The following ATP6V1C2 variants were observed in gnomAD, a reference collection of about 807,000 sequenced individuals.
ATP6V1C2 encodes V-type proton ATPase subunit C 2.
Under a neutral mutation model 56.8 loss-of-function variants are expected in ATP6V1C2, and 45 were observed. The observed-to-expected ratio is 0.79, with a 90% CI of 0.62 to 1.02. The LOEUF (loss-of-function observed/expected upper bound fraction) is 1.02, where lower values mean the gene tolerates loss of function less well. ATP6V1C2 is among the 50% of genes least tolerant of loss of function. The pLI is 0.00. For missense variants in ATP6V1C2, 463 were observed against 519.7 expected, an observed-to-expected ratio of 0.89 and a Z score of 1.06; for synonymous variants, 220 against 201.3, an observed-to-expected ratio of 1.09 and a Z score of -0.79.
chr2:10,722,623 G>A, intron 1 of ATP6V1C2: 2 of 531,488 alleles, frequency 3.8e-6, no homozygotes, highest in Non-Finnish European at 6.5e-6. Flanking sequence ...CAGAACCACT[G>A]CAGGGACCAA....
In ATP6V1C2 at chr2:10,726,579, T is replaced by G; in HGVS notation, c.197+10T>G. 6.2e-7 allele frequency: 1 copy of G among 1,606,830 alleles called. No homozygotes were observed. On this transcript the variant is annotated intron_variant, in intron 3 of 13. Transcript: ENST00000272238. ...ACACCTTTGCTGAAAGGTAAAATAT[T>G]CCTTATTTACTACATACAAGTGAGA...
chr2:10,775,596 CT>C, intron 10 of ATP6V1C2, among the ~76,000 whole-genome samples: 1 of 152,322 alleles, frequency 6.6e-6, no homozygotes, highest in Middle Eastern at 3.4e-3. Context: ...TATCTGGAGA[CT>C]TCCGACCACA....
At chr2:10,762,290 C>T (rs962982315) in intron 4 of ATP6V1C2, among the ~76,000 whole-genome samples, 4 of 151,946 alleles carry the variant, frequency 2.6e-5, no homozygotes, top group African/African-American at 7.3e-5. Context: ...GAACTACGGG[C>T]GTGTGCCACC....
intron 3 of ATP6V1C2, among the ~76,000 whole-genome samples, chr2:10,745,041 C>CTTTTTTTTTTTTT (rs5829274): frequency 8.8e-6 from 1 of 113,314 alleles, no homozygotes; most frequent in African/African-American, 3.4e-5. Flanking sequence ...TATTTATTTT[C>CTTTTTTTTTTTTT]TTTTTTTTTT....
At position 10,784,953 on chromosome 2, in the gene ATP6V1C2, C is replaced by T. The variant is rs1465087052; in HGVS notation, c.*1690C>T. 1 of 1,588,734 alleles carries T rather than the reference C, an allele frequency of 6.3e-7. No individual in the cohort carries two copies. Among genetic ancestry groups the T allele is most frequent in the Non-Finnish European group, 8.6e-7 (1 of 1,166,188 alleles). On this transcript the variant is annotated 3_prime_UTR_variant, in exon 14 of 14. Coordinates refer to ENST00000272238, the MANE Select transcript of ATP6V1C2 (RefSeq NM_001039362.2). ...ACTCACCTCGCCATCCCTGCCGTCCCAAGGCTCTCTCTCAACGATGGTAGG... is the reference window on the plus strand; with the variant it reads ...ACTCACCTCGCCATCCCTGCCGTCCTAAGGCTCTCTCTCAACGATGGTAGG...
At position 10,768,734 on chromosome 2, in the gene ATP6V1C2, G is replaced by A. The variant is rs767512735; in HGVS notation, c.394G>A (p.Glu132Lys). ...CCCAAAACAGCAACTGGCGCAGATCGAGATGGACCTGAAGTCCCGAACGGC... is the reference window on the plus strand; with the variant it reads ...CCCAAAACAGCAACTGGCGCAGATCAAGATGGACCTGAAGTCCCGAACGGC... ...DTIAKQLAQI[E>K]MDLKSRTAAY... Residue 132 changes from glutamate to lysine, a missense_variant, in exon 6 of 14, where the codon GAG (glutamate) becomes AAG (lysine). Transcript: ENST00000272238. 7 of 1,613,926 alleles carry A rather than the reference G, an allele frequency of 4.3e-6. No individual in the cohort carries two copies. Among genetic ancestry groups the A allele is most frequent in the East Asian group, 2.2e-5 (1 of 44,890 alleles).
intron 6 of ATP6V1C2, among the ~76,000 whole-genome samples, chr2:10,770,698 C>T (rs371416335): frequency 7.9e-5 from 12 of 152,342 alleles, no homozygotes; most frequent in African/African-American, 1.7e-4. Context: ...ATCATTGATT[C>T]GCAGTGACTT....
intron 4 of ATP6V1C2, among the ~76,000 whole-genome samples, chr2:10,754,583 T>C (rs538435722): frequency 2.8e-5 from 3 of 108,254 alleles, no homozygotes; most frequent in African/African-American, 1.2e-4. Flanking sequence ...TTTTCTTTTC[T>C]TTTTTTTTGA....
At chr2:10,730,974 A>T (rs555051157) in intron 3 of ATP6V1C2, among the ~76,000 whole-genome samples, 3 of 149,120 alleles carry the variant, frequency 2.0e-5, no homozygotes, top group Non-Finnish European at 4.5e-5. Flanking sequence ...TTTTCATGAG[A>T]CAGGGTCTTG....
chr2:10,774,364 G>T (rs1664819709), intron 8 of ATP6V1C2, among the ~76,000 whole-genome samples: 1 of 152,228 alleles, frequency 6.6e-6, no homozygotes, highest in Admixed American at 6.5e-5. Context: ...TTGCTTGGGA[G>T]GCTGTGTCCC....
chr2:10,724,324 A>C (rs1661523185), intron 2 of ATP6V1C2, among the ~76,000 whole-genome samples: 1 of 152,206 alleles, frequency 6.6e-6, no homozygotes. Flanking sequence ...TTTGTTGAGC[A>C]AAGAGCTGAC....
At chr2:10,774,954 A>G (rs376076331) in intron 9 of ATP6V1C2, 24 bp from the exon 10 acceptor site, 2 of 1,613,250 alleles carry the variant, frequency 1.2e-6, no homozygotes, top group Non-Finnish European at 1.7e-6. Context: ...TCTGAGTGAA[A>G]ACCCATGATT....
chr2:10,765,274 T>A (rs1664156531), intron 5 of ATP6V1C2, among the ~76,000 whole-genome samples: 1 of 152,210 alleles, frequency 6.6e-6, no homozygotes, highest in South Asian at 2.1e-4. Flanking sequence ...TATGGGCACC[T>A]GGAGCTGGGT....
At chr2:10,726,658 A>T in intron 3 of ATP6V1C2, 89 bp downstream of exon 3, 1 of 1,238,848 alleles carries the variant, frequency 8.1e-7, no homozygotes, top group Non-Finnish European at 1.2e-6. Context: ...GAACCGGAGT[A>T]TGGACTTGTC....
intron 3 of ATP6V1C2, among the ~76,000 whole-genome samples, chr2:10,733,828 G>A (rs960663570): frequency 6.6e-6 from 1 of 151,996 alleles, no homozygotes; most frequent in African/African-American, 2.4e-5. Context: ...TTCCCCTGTC[G>A]TTGCTTGCCC....
intron 6 of ATP6V1C2, among the ~76,000 whole-genome samples, chr2:10,770,499 G>A (rs770832266): frequency 2.0e-5 from 3 of 152,254 alleles, no homozygotes; most frequent in Admixed American, 6.5e-5. Flanking sequence ...GACAGGGGCC[G>A]GGCGCCGGGG....
chr2:10,779,105 CT>C (rs10712133), intron 12 of ATP6V1C2, among the ~76,000 whole-genome samples: 4,966 of 146,794 alleles, frequency 0.034, 268 homozygotes, highest in African/African-American at 0.11. Context: ...CTTATTTTGC[CT>C]TTTTTTTTTT....
rs1297241086 is a variant in ATP6V1C2 at position 10,763,437 on chromosome 2, C to G, written c.284-894C>G. 6.6e-6 allele frequency among the ~76,000 whole-genome samples: 1 copy of G among 152,112 alleles called. No homozygotes were observed. Among genetic ancestry groups the G allele is most frequent in the African/African-American group, 2.4e-5 (1 of 41,442 alleles). ...TCTGCCTAGGGGTCTCCCTGTGGAC[C>G]TTGGGCAGGGGGTGGTGTCTAGTGT... On this transcript the variant is annotated intron_variant, in intron 4 of 13. Coordinates refer to ENST00000272238, the MANE Select transcript of ATP6V1C2 (RefSeq NM_001039362.2). This position sits in a 1 kb window ranked among gnomAD's most constrained non-coding sequence, Gnocchi z 4.2.
Position 10,780,284 on chromosome 2 carries a change from C to T in ATP6V1C2, c.1061+1615C>T, listed in dbSNP as rs1228775655. On this transcript the variant is annotated intron_variant, in intron 12 of 13. Transcript: ENST00000272238. This position sits in a 1 kb window ranked among gnomAD's most constrained non-coding sequence, Gnocchi z 4.1. ...CAAACTTCAGGGTCAGTTTAGACACCCCTGACAGGCCCGGTCCACTCCGCC... is the reference window on the plus strand; with the variant it reads ...CAAACTTCAGGGTCAGTTTAGACACTCCTGACAGGCCCGGTCCACTCCGCC... Among the ~76,000 whole-genome samples, 1 of 152,162 alleles carries T rather than the reference C, an allele frequency of 6.6e-6. No individual in the cohort carries two copies. Among genetic ancestry groups the T allele is most frequent in the East Asian group, 1.9e-4 (1 of 5,196 alleles).
Sources: gnomAD v4.1 joint callset for allele counts (sites outside exome capture counted in the v4.1 genomes callset) on GRCh38, gnomAD v4.1.1 for gene constraint, Gnocchi (gnomAD v3.1) non-coding constraint, MANE v1.5 for transcripts, NCBI Gene and HGNC (gene_info 2026-07-23, HGNC 2026-07-21) for gene names.